ZZEF1: variants seen among roughly 807,000 people sequenced by gnomAD.
ZZEF1 encodes zinc finger ZZ-type and EF-hand domain-containing protein 1.
In ZZEF1, 157 loss-of-function variants were observed where a neutral mutation model predicts 342.8. The ratio of observed to expected loss-of-function variants is 0.46; its 90% CI spans 0.40 to 0.52. The LOEUF (loss-of-function observed/expected upper bound fraction) is 0.52, where lower values mean the gene tolerates loss of function less well. ZZEF1 is among the 20% of genes least tolerant of loss of function. The pLI is 0.00. For missense variants in ZZEF1, 3,480 were observed against 3,725.6 expected, an observed-to-expected ratio of 0.93 and a Z score of 1.72; for synonymous variants, 1,505 against 1,429.1, an observed-to-expected ratio of 1.05 and a Z score of -1.20.
At chr17:4,096,578 C>T (rs2058037381) in intron 10 of ZZEF1, 31 bp downstream of exon 10, 1 of 1,591,084 alleles carries the variant, frequency 6.3e-7, no homozygotes, top group Non-Finnish European at 8.6e-7. Context: ...AAAGTAGTAA[C>T]ATTGCTTAAA....
At chr17:4,125,868 T>C (rs1250787666) in intron 1 of ZZEF1, among the ~76,000 whole-genome samples, 2 of 152,010 alleles carry the variant, frequency 1.3e-5, no homozygotes, top group African/African-American at 2.4e-5. Context: ...ATTAATGTCA[T>C]TGGATAGAAG....
chr17:4,078,075 T>C (rs1337040007), intron 18 of ZZEF1, 33 bp from the exon 19 acceptor site: 1 of 1,599,150 alleles, frequency 6.3e-7, no homozygotes, highest in African/African-American at 1.3e-5. Flanking sequence ...AAAGTGTTCG[T>C]GACAAGGCCA....
In ZZEF1 at chr17:4,006,889, G is replaced by A. The variant is rs765523470; in HGVS notation, c.*1C>T. The A allele has an allele frequency of 1.3e-6, 2 of 1,584,444 alleles. No individual in the cohort carries two copies. The highest frequency in any genetic ancestry group is 1.7e-6 in the Non-Finnish European group (2 of 1,163,932). ...TAGTCCCATGCACGCCCCACCAAGG[G>A]CTAACACTCCACATTCCAGAGGCGG... On this transcript the variant is annotated 3_prime_UTR_variant, in exon 55 of 55. Coordinates refer to ENST00000381638, the MANE Select transcript of ZZEF1 (RefSeq NM_015113.4).
rs2056131937 is a variant in ZZEF1, at chr17:4,017,302, C to T, written c.8001+69G>A. The T allele has an allele frequency of 6.5e-7, 1 of 1,529,146 alleles. No individual in the cohort carries two copies. The highest frequency in any genetic ancestry group is 2.3e-5 in the East Asian group (1 of 44,074). 94.7% of individuals were successfully genotyped at this position (1,529,146 alleles called of 1,614,324 possible). ...AGGTAGCCTCGCTCCAGGAAGCACTCACTGGAGGAAGCCTGTGGGGCAGAG... is the reference window on the plus strand; with the variant it reads ...AGGTAGCCTCGCTCCAGGAAGCACTTACTGGAGGAAGCCTGTGGGGCAGAG... On this transcript the variant is annotated intron_variant, in intron 48 of 54. Coordinates refer to ENST00000381638, the MANE Select transcript of ZZEF1 (RefSeq NM_015113.4). The surrounding 1 kb of genome is among the most constrained non-coding windows in gnomAD (Gnocchi z 5.1).
At chr17:4,058,250 A>C in intron 31 of ZZEF1, 95 bp from the exon 32 acceptor site, 2 of 1,346,308 alleles carry the variant, frequency 1.5e-6, no homozygotes, top group Non-Finnish European at 2.0e-6. Context: ...TGCAATTGAA[A>C]GCAGAAGGGA....
chr17:4,118,000 A>G (rs2058426050), intron 2 of ZZEF1, among the ~76,000 whole-genome samples: 1 of 152,170 alleles, frequency 6.6e-6, no homozygotes, highest in Non-Finnish European at 1.5e-5. Context: ...CACAGAAGGT[A>G]CAGCTATCCT....
At chr17:4,090,414 C>T (rs1373413648) in intron 12 of ZZEF1, among the ~76,000 whole-genome samples, 1 of 152,094 alleles carries the variant, frequency 6.6e-6, no homozygotes, top group Non-Finnish European at 1.5e-5. Flanking sequence ...AGACGCCCTC[C>T]TCCACACACT....
rs761066347 is a variant in ZZEF1, at chr17:4,072,700, G to A, written c.3742C>T (p.Pro1248Ser). 1.3e-5 allele frequency: 21 copies of A among 1,613,960 alleles called. No homozygotes were observed. Among genetic ancestry groups the A allele is most frequent in the Non-Finnish European group, 1.6e-5 (19 of 1,179,910 alleles). The part of the protein sequence containing the change: ...QAKMALVLSS[P>S]LWKPVFRHQV... ...TGCCTGAAGACAGGTTTCCACAGTG[G>A]GGAGCTTAGGACTAATGCCATTTTT... is the stretch of plus-strand genomic sequence containing the variant. Residue 1248 changes from proline (P) to serine (S), a missense_variant, in exon 25 of 55, where the codon CCA becomes TCA. This residue lies in a region of ZZEF1 where 1,528 missense variants were observed against 1,624.1 expected (regional missense o/e 0.94). Coordinates refer to ENST00000381638, the MANE Select transcript of ZZEF1 (RefSeq NM_015113.4).
chr17:4,068,627 C>T (rs150236147), intron 26 of ZZEF1, among the ~76,000 whole-genome samples: 89 of 152,318 alleles, frequency 5.8e-4, no homozygotes, highest in Admixed American at 2.4e-3. Context: ...ATGAGGCTTG[C>T]CCCTTCTCTT....
chr17:4,105,878 T>G (rs2058204251), intron 6 of ZZEF1, 69 bp from the exon 7 acceptor site: 3 of 1,308,172 alleles, frequency 2.3e-6, no homozygotes, highest in Non-Finnish European at 3.2e-6. Context: ...AATAAACTGT[T>G]AGAAGCTTGT....
chr17:4,115,302 T>G (rs1466056851), intron 3 of ZZEF1, among the ~76,000 whole-genome samples: 1 of 152,188 alleles, frequency 6.6e-6, no homozygotes, highest in African/African-American at 2.4e-5. Context: ...ACTGGGATTA[T>G]AGGCATCAAC....
intron 46 of ZZEF1, among the ~76,000 whole-genome samples, chr17:4,018,259 AC>A (rs1360134718): frequency 2.0e-5 from 3 of 152,136 alleles, no homozygotes; most frequent in Admixed American, 6.5e-5. Flanking sequence ...CATTAAAAAA[AC>A]ATTTTTAAAA....
chr17:4,009,366 G>A (rs2055885084), intron 53 of ZZEF1: 6 of 600,452 alleles, frequency 1.0e-5, no homozygotes, highest in Non-Finnish European at 1.8e-5. Context: ...CTGATCCCGG[G>A]CAGTTTCTCC....
chr17:4,044,176 T>C (rs749275435), intron 38 of ZZEF1, 48 bp downstream of exon 38: 5 of 1,601,596 alleles, frequency 3.1e-6, no homozygotes, highest in Non-Finnish European at 4.3e-6. Flanking sequence ...TGGGTATATG[T>C]GCATTTTAAG....
At chr17:4,043,155 C>T (rs561723624) in intron 38 of ZZEF1, among the ~76,000 whole-genome samples, 1 of 152,334 alleles carries the variant, frequency 6.6e-6, no homozygotes, top group East Asian at 1.9e-4. Flanking sequence ...CATTTCATCA[C>T]CTTTTCACAT....
intron 18 of ZZEF1, among the ~76,000 whole-genome samples, chr17:4,080,067 G>A (rs964596135): frequency 1.8e-4 from 28 of 152,080 alleles, no homozygotes; most frequent in African/African-American, 4.1e-4. Context: ...AGAATCTCTC[G>A]GGGTGCTTAG....
chr17:4,087,739 TTATA>T (rs2057859932), intron 13 of ZZEF1, among the ~76,000 whole-genome samples: 1 of 151,778 alleles, frequency 6.6e-6, no homozygotes. Context: ...TATGTGTGTG[TTATA>T]TGTATGTATG....
chr17:4,096,335 T>C (rs1273398955), intron 10 of ZZEF1, among the ~76,000 whole-genome samples: 1 of 150,826 alleles, frequency 6.6e-6, no homozygotes, highest in African/African-American at 2.4e-5. Context: ...ACCAATGACG[T>C]GGACTTCTGA....
At chr17:4,100,502 G>A (rs2058109211) in intron 9 of ZZEF1, among the ~76,000 whole-genome samples, 2 of 152,140 alleles carry the variant, frequency 1.3e-5, no homozygotes, top group Non-Finnish European at 1.5e-5. Flanking sequence ...AAGACACAGG[G>A]AAAATAACAA....
Sources: allele counts gnomAD v4.1 joint callset (sites outside exome capture counted in the v4.1 genomes callset), GRCh38; gene constraint gnomAD v4.1.1; regional missense constraint gnomAD v4.1.1; non-coding constraint Gnocchi (gnomAD v3.1); transcripts MANE v1.5; gene names NCBI Gene and HGNC (gene_info 2026-07-23, HGNC 2026-07-21).